The following WDR70 variants were observed in gnomAD, a reference collection of about 807,000 sequenced individuals.
WDR70 encodes the protein WD repeat-containing protein 70.
In WDR70, 53 loss-of-function variants were observed where a neutral mutation model predicts 88.6. The observed-to-expected ratio is 0.60, with a 90% CI of 0.48 to 0.75. The LOEUF is 0.75. Ranked by LOEUF, WDR70 falls within the 30% of genes least tolerant of loss-of-function variation. The pLI is 0.00. For synonymous variants in WDR70, 280 were observed against 270.0 expected (o/e 1.04, Z -0.36); for missense variants, 610 against 823.2 (o/e 0.74, Z 3.17).
intron 10 of WDR70, among the ~76,000 whole-genome samples, chr5:37,689,662 C>A (rs567186774): frequency 1.4e-4 from 21 of 151,568 alleles, no homozygotes; most frequent in South Asian, 1.3e-3. Flanking sequence ...GGAATAGCAT[C>A]AACATAAACA....
chr5:37,708,203 A>G (rs1036998159), intron 13 of WDR70, among the ~76,000 whole-genome samples: 1 of 151,004 alleles, frequency 6.6e-6, no homozygotes, highest in South Asian at 2.1e-4. Flanking sequence ...AATGAAATGT[A>G]TAATATGCAT....
chr5:37,391,903 C>G, intron 3 of WDR70, 97 bp from the exon 4 acceptor site: 1 of 1,351,016 alleles, frequency 7.4e-7, no homozygotes, highest in African/African-American at 1.5e-5. Context: ...TAAGTTATAT[C>G]TTTGTGACTA....
At chr5:37,531,972 G>A (rs558909718) in intron 9 of WDR70, among the ~76,000 whole-genome samples, 1 of 152,220 alleles carries the variant, frequency 6.6e-6, no homozygotes, top group African/African-American at 2.4e-5. Flanking sequence ...AATTCTCTCA[G>A]CATTTTTTTA....
At chr5:37,647,343 A>G (rs1745267249) in intron 10 of WDR70, among the ~76,000 whole-genome samples, 3 of 152,160 alleles carry the variant, frequency 2.0e-5, no homozygotes, top group Admixed American at 6.5e-5. Context: ...AAGGTTACAT[A>G]TCTCTGTCTC....
chr5:37,626,640 T>A (rs989606223), intron 10 of WDR70, among the ~76,000 whole-genome samples: 1 of 151,938 alleles, frequency 6.6e-6, no homozygotes, highest in African/African-American at 2.4e-5. Context: ...GTAGAATGAA[T>A]TAGGAAGAAT....
At chr5:37,701,607 G>A (rs907895309) in intron 12 of WDR70, among the ~76,000 whole-genome samples, 4 of 151,906 alleles carry the variant, frequency 2.6e-5, no homozygotes, top group African/African-American at 9.7e-5. Flanking sequence ...GGCTAACAAC[G>A]GTGAAACCCC....
chr5:37,457,410 T>A (rs1276852298), intron 7 of WDR70, among the ~76,000 whole-genome samples: 1 of 152,186 alleles, frequency 6.6e-6, no homozygotes, highest in Non-Finnish European at 1.5e-5. Context: ...TATCTTATTC[T>A]GATGTAAACT....
chr5:37,701,577 C>T (rs1747164170), intron 12 of WDR70, among the ~76,000 whole-genome samples: 1 of 152,028 alleles, frequency 6.6e-6, no homozygotes, highest in African/African-American at 2.4e-5. Flanking sequence ...ATCACGAGGT[C>T]AGGAGATTAA....
At chr5:37,431,854 A>G (rs1229562846) in intron 5 of WDR70, among the ~76,000 whole-genome samples, 1 of 152,208 alleles carries the variant, frequency 6.6e-6, no homozygotes, top group Non-Finnish European at 1.5e-5. Flanking sequence ...AATGTCTTCA[A>G]GGTTCATCTG....
intron 5 of WDR70, among the ~76,000 whole-genome samples, chr5:37,410,113 T>G (rs1749477210): frequency 6.6e-6 from 1 of 151,552 alleles, no homozygotes; most frequent in African/African-American, 2.4e-5. Context: ...ACTCTTGGGC[T>G]CAAGCAGTGC....
intron 5 of WDR70, among the ~76,000 whole-genome samples, chr5:37,425,710 T>C (rs1213121982): frequency 2.0e-5 from 3 of 152,178 alleles, no homozygotes; most frequent in Non-Finnish European, 4.4e-5. Flanking sequence ...ATTATAATGA[T>C]TTTGAGCATG....
chr5:37,416,530 G>C (rs956818872), intron 5 of WDR70, among the ~76,000 whole-genome samples: 5 of 151,644 alleles, frequency 3.3e-5, no homozygotes, highest in African/African-American at 1.2e-4. Flanking sequence ...CGTGGGGAGA[G>C]GGAGAGGGAG....
At chr5:37,698,266 A>G (rs1462397657) in intron 11 of WDR70, among the ~76,000 whole-genome samples, 1 of 152,126 alleles carries the variant, frequency 6.6e-6, no homozygotes, top group Non-Finnish European at 1.5e-5. Context: ...CCACATTTGT[A>G]TGGTTGGATA....
At chr5:37,526,262 G>A (rs1313411464) in intron 9 of WDR70, among the ~76,000 whole-genome samples, 2 of 152,148 alleles carry the variant, frequency 1.3e-5, no homozygotes, top group African/African-American at 4.8e-5. Context: ...GAATCCAGCA[G>A]CCCATCAAAA....
chr5:37,400,590 G>A (rs931748600), intron 5 of WDR70, among the ~76,000 whole-genome samples: 15 of 152,124 alleles, frequency 9.9e-5, no homozygotes, highest in African/African-American at 3.4e-4. Context: ...GAAAGTGGTC[G>A]TCTACAAGCC....
chr5:37,436,121 A>G lies in WDR70; in HGVS notation c.493-1801A>G, dbSNP rs551920823. On this transcript the variant is annotated intron_variant, in intron 5 of 17. Coordinates refer to ENST00000265107, the MANE Select transcript of WDR70 (RefSeq NM_018034.4). ...AGAAGTGCTTTGAGCAGCTGGTCAC[A>G]TCTGAATTGAGTTTTGAGGGATGAA... Among the ~76,000 whole-genome samples, 41 of 152,258 alleles carry G rather than the reference A, an allele frequency of 2.7e-4. 1 individual carries two copies. The highest frequency in any genetic ancestry group is 2.4e-3 in the Admixed American group (37 of 15,290).
intron 7 of WDR70, among the ~76,000 whole-genome samples, chr5:37,449,764 A>G (rs1738612223): frequency 6.6e-6 from 1 of 151,962 alleles, no homozygotes; most frequent in Admixed American, 6.6e-5. Flanking sequence ...TATTTTTACT[A>G]TACTTTTAAG....
intron 10 of WDR70, among the ~76,000 whole-genome samples, chr5:37,662,609 A>G (rs571697270): frequency 7.2e-5 from 11 of 152,252 alleles, no homozygotes; most frequent in African/African-American, 2.6e-4. Context: ...CTGTTGTTGC[A>G]ATGTGGAAAT....
At chr5:37,664,421 C>A (rs1010963630) in intron 10 of WDR70, among the ~76,000 whole-genome samples, 1 of 152,204 alleles carries the variant, frequency 6.6e-6, no homozygotes, top group Non-Finnish European at 1.5e-5. Flanking sequence ...TTTCACACTT[C>A]TAAGACTTTT....
Sources: gnomAD v4.1 joint callset for allele counts (sites outside exome capture counted in the v4.1 genomes callset) on GRCh38, gnomAD v4.1.1 for gene constraint, MANE v1.5 for transcripts, NCBI Gene and HGNC (gene_info 2026-07-23, HGNC 2026-07-21) for gene names.